The following ENTREP2 variants were observed in gnomAD, a reference collection of about 807,000 sequenced individuals.
The protein encoded by ENTREP2 is protein ENTREP2.
chr15:29,336,738 G>A, the ENTREP2 span, among the ~76,000 whole-genome samples: 9 of 152,216 alleles, frequency 5.9e-5, no homozygotes, highest in African/African-American at 2.2e-4. Flanking sequence ...TCAAGTCCAT[G>A]TCATGCTCAT....
At chr15:29,577,084 G>A in the ENTREP2 span, among the ~76,000 whole-genome samples, 53 of 151,840 alleles carry the variant, frequency 3.5e-4, no homozygotes, top group Middle Eastern at 0.01. Flanking sequence ...TGGGATTACA[G>A]GTGTGAGCCA....
chr15:29,381,154 C>T, the ENTREP2 span, among the ~76,000 whole-genome samples: 1 of 148,782 alleles, frequency 6.7e-6, no homozygotes, highest in African/African-American at 2.5e-5. Context: ...GCCGCATCCA[C>T]ACTTTTAAAA....
the ENTREP2 span, among the ~76,000 whole-genome samples, chr15:29,668,341 G>A: frequency 4.6e-5 from 7 of 152,136 alleles, no homozygotes; most frequent in African/African-American, 9.7e-5. Context: ...GCGCCACTTC[G>A]GAAAACAGTT....
At chr15:29,536,044 T>A in the ENTREP2 span, among the ~76,000 whole-genome samples, 1 of 152,168 alleles carries the variant, frequency 6.6e-6, no homozygotes, top group Non-Finnish European at 1.5e-5. Context: ...TGTTAGAGGA[T>A]CCTTTTCCCA....
At chr15:29,433,796 A>C in the ENTREP2 span, among the ~76,000 whole-genome samples, 3 of 151,720 alleles carry the variant, frequency 2.0e-5, no homozygotes, top group Non-Finnish European at 2.9e-5. Context: ...AAAAAAAAAA[A>C]AAACAGCTAC....
chr15:29,419,553 G>T, the ENTREP2 span, among the ~76,000 whole-genome samples: 1 of 152,158 alleles, frequency 6.6e-6, no homozygotes, highest in African/African-American at 2.4e-5. Flanking sequence ...CAGGGTAGAA[G>T]AAATGATGGC....
chr15:29,185,844 G>C, the ENTREP2 span, among the ~76,000 whole-genome samples: 1 of 152,168 alleles, frequency 6.6e-6, no homozygotes. Flanking sequence ...TTACAGGTGT[G>C]AGCCACCACG....
At chr15:29,309,408 T>G in the ENTREP2 span, among the ~76,000 whole-genome samples, 1 of 152,148 alleles carries the variant, frequency 6.6e-6, no homozygotes, top group Non-Finnish European at 1.5e-5. Flanking sequence ...AAGAGCAGAC[T>G]CTAGACCAGG....
chr15:29,202,111 AG>A, the ENTREP2 span, among the ~76,000 whole-genome samples: 1 of 152,118 alleles, frequency 6.6e-6, no homozygotes, highest in Non-Finnish European at 1.5e-5. Flanking sequence ...CTGGGTCTGT[AG>A]TTATATCCCG....
At chr15:29,269,801 G>A in the ENTREP2 span, 1 of 1,199,134 alleles carries the variant, frequency 8.3e-7, no homozygotes. Flanking sequence ...GCCTGGAGGC[G>A]CGCGCAGTGT....
the ENTREP2 span, among the ~76,000 whole-genome samples, chr15:29,285,971 G>T: frequency 6.6e-6 from 1 of 152,144 alleles, no homozygotes; most frequent in African/African-American, 2.4e-5. Context: ...AAAAAGAAAA[G>T]TCATATGATA....
At chr15:29,204,144 AAGAGTACCCCTC>A in the ENTREP2 span, among the ~76,000 whole-genome samples, 1 of 152,176 alleles carries the variant, frequency 6.6e-6, no homozygotes, top group East Asian at 1.9e-4. Context: ...GATTTATTTT[AAGAGTACCCCTC>A]AGTGTTCGGG....
At chr15:29,133,073 A>G in the ENTREP2 span, among the ~76,000 whole-genome samples, 1 of 152,142 alleles carries the variant, frequency 6.6e-6, no homozygotes, top group Non-Finnish European at 1.5e-5. Flanking sequence ...TGCTGGCTAC[A>G]GCATGGAGCT....
At chr15:29,167,836 G>T in the ENTREP2 span, among the ~76,000 whole-genome samples, 33,332 of 152,086 alleles carry the variant, frequency 0.22, 4,507 homozygotes, top group Non-Finnish European at 0.31. Flanking sequence ...CAGAGGAAAA[G>T]AATTCATTAT....
At chr15:29,161,690 T>C in the ENTREP2 span, among the ~76,000 whole-genome samples, 1 of 152,198 alleles carries the variant, frequency 6.6e-6, no homozygotes, top group Non-Finnish European at 1.5e-5. Flanking sequence ...GGCTCATTGT[T>C]CTCTTCTGAA....
chr15:29,246,041 G>A, the ENTREP2 span, among the ~76,000 whole-genome samples: 1 of 152,172 alleles, frequency 6.6e-6, no homozygotes, highest in African/African-American at 2.4e-5. Context: ...ACCTAGGCCA[G>A]TTCCCCAAGC....
At chr15:29,557,597 G>A in the ENTREP2 span, among the ~76,000 whole-genome samples, 1 of 152,186 alleles carries the variant, frequency 6.6e-6, no homozygotes, top group African/African-American at 2.4e-5. Context: ...CACGGGAGGG[G>A]AGAAGTGGTG....
At chr15:29,216,346 G>T in the ENTREP2 span, among the ~76,000 whole-genome samples, 2 of 152,172 alleles carry the variant, frequency 1.3e-5, no homozygotes, top group African/African-American at 4.8e-5. Context: ...CTGTTAATCT[G>T]ATAGGTTTTC....
At chr15:29,440,634 C>G in the ENTREP2 span, among the ~76,000 whole-genome samples, 1 of 152,198 alleles carries the variant, frequency 6.6e-6, no homozygotes, top group African/African-American at 2.4e-5. Flanking sequence ...CTCAATCATA[C>G]TCAATTCACC....
Sources: allele counts gnomAD v4.1 joint callset (sites outside exome capture counted in the v4.1 genomes callset), GRCh38; gene constraint gnomAD v4.1.1; transcripts MANE v1.5; gene names NCBI Gene and HGNC (gene_info 2026-07-23, HGNC 2026-07-21).